The following MAP4K3 variants were observed in gnomAD, a reference collection of about 807,000 sequenced individuals.
MAP4K3 encodes MAPK/ERK kinase kinase kinase 3.
Under a neutral mutation model 143.5 loss-of-function variants are expected in MAP4K3, and 94 were observed. That is an observed-to-expected ratio of 0.65 (90% CI 0.55 to 0.78). The LOEUF (loss-of-function observed/expected upper bound fraction) is 0.78. Ranked by LOEUF, MAP4K3 falls within the 30% of genes least tolerant of loss-of-function variation. The pLI, the probability that MAP4K3 is intolerant of heterozygous loss-of-function variation, is 0.00. For synonymous variants in MAP4K3, 416 were observed against 347.2 expected (o/e 1.20, Z -2.20); for missense variants, 1,077 against 1,068.1 (o/e 1.01, Z -0.12).
chr2:39,308,408 A>G (rs1212718621), intron 14 of MAP4K3, among the ~76,000 whole-genome samples: 1 of 152,136 alleles, frequency 6.6e-6, no homozygotes, highest in Non-Finnish European at 1.5e-5. Context: ...ATTCCTCCAC[A>G]CTGGTACACT....
chr2:39,295,497 C>T (rs1389593151), intron 16 of MAP4K3, among the ~76,000 whole-genome samples: 1 of 151,964 alleles, frequency 6.6e-6, no homozygotes, highest in Non-Finnish European at 1.5e-5. Context: ...TTGAGAAGTG[C>T]TGCTTTAAAC....
rs920935592 is a variant in MAP4K3 at position 39,437,230 on chromosome 2, A to G, written c.-243T>C. Reference sequence around the variant, plus strand: ...CGCGCCGAACCTGGTCACACCCACAAGGAGAGGAGAACCCTCGCAGCCCCT... The same window carrying G: ...CGCGCCGAACCTGGTCACACCCACAGGGAGAGGAGAACCCTCGCAGCCCCT... On this transcript the variant is annotated 5_prime_UTR_variant, in exon 1 of 34. Transcript: ENST00000263881. The G allele has an allele frequency of 3.3e-6, 1 of 303,276 alleles. No individual in the cohort carries two copies. Among genetic ancestry groups the G allele is most frequent in the Non-Finnish European group, 6.0e-6 (1 of 166,664 alleles). The allele number at this position is 303,276 out of a possible 1,614,324, so 18.8% of individuals were successfully genotyped here. A position where few individuals can be genotyped will look rare whatever the true frequency, so the allele number is the denominator to read the frequency against.
chr2:39,299,932 T>A (rs1682440847), intron 15 of MAP4K3, 131 bp from the exon 16 acceptor site: 5 of 378,896 alleles, frequency 1.3e-5, no homozygotes, highest in Non-Finnish European at 2.4e-5. Flanking sequence ...TTGCTATACA[T>A]TCTTAAAAAG....
intron 6 of MAP4K3, among the ~76,000 whole-genome samples, chr2:39,335,470 A>G (rs566659987): frequency 6.6e-6 from 1 of 152,322 alleles, no homozygotes; most frequent in African/African-American, 2.4e-5. Context: ...ATAATGGAAC[A>G]TCAAACTACC....
intron 1 of MAP4K3, among the ~76,000 whole-genome samples, chr2:39,406,444 C>G (rs1323733600): frequency 6.6e-6 from 1 of 152,140 alleles, no homozygotes; most frequent in East Asian, 1.9e-4. Flanking sequence ...ATACTCCAAA[C>G]TCCCAAAGGT....
At position 39,342,130 on chromosome 2, in the gene MAP4K3, T is replaced by C. The variant is rs201859305; in HGVS notation, c.310+1258A>G. 6.1e-5 allele frequency among the ~76,000 whole-genome samples: 9 copies of C among 148,090 alleles called. No homozygotes were observed. The East Asian group carries it at 1.4e-3, about 24-fold the overall frequency. ...CTAGTATTATTATTATTATTATTAT[T>C]ATTATTATTATTATTATTATTATTT... On this transcript the variant is annotated intron_variant, in intron 4 of 33. Transcript: ENST00000263881.
At chr2:39,333,707 T>C in intron 6 of MAP4K3, 133 bp from the exon 7 acceptor site, 2 of 498,248 alleles carry the variant, frequency 4.0e-6, no homozygotes, top group Non-Finnish European at 7.1e-6. Context: ...TTAATTAAAA[T>C]GTCGTATCAT....
intron 3 of MAP4K3, among the ~76,000 whole-genome samples, chr2:39,346,414 T>A (rs1008647160): frequency 2.0e-5 from 3 of 152,202 alleles, no homozygotes; most frequent in Non-Finnish European, 4.4e-5. Flanking sequence ...ATTTGTTAAA[T>A]CTTATACTTA....
At chr2:39,292,318 TAG>T (rs984776076) in intron 18 of MAP4K3, among the ~76,000 whole-genome samples, 20 of 152,210 alleles carry the variant, frequency 1.3e-4, no homozygotes, top group African/African-American at 4.6e-4. Context: ...TGATTATATT[TAG>T]AGATGGGTTT....
intron 24 of MAP4K3, among the ~76,000 whole-genome samples, chr2:39,274,635 A>G (rs911833614): frequency 1.3e-5 from 2 of 152,216 alleles, no homozygotes; most frequent in Non-Finnish European, 2.9e-5. Context: ...AAATAAGAAT[A>G]TAACAGTTAA....
At chr2:39,314,989 C>T (rs940506356) in intron 13 of MAP4K3, among the ~76,000 whole-genome samples, 27 of 152,196 alleles carry the variant, frequency 1.8e-4, no homozygotes, top group African/African-American at 6.5e-4. Context: ...TCTACTGAAT[C>T]TGAAACTGCA....
At chr2:39,282,980 A>C (rs1359791924) in intron 21 of MAP4K3, among the ~76,000 whole-genome samples, 1 of 152,220 alleles carries the variant, frequency 6.6e-6, no homozygotes. Context: ...CATTTGTTTT[A>C]ACTGCAGCAT....
chr2:39,413,462 G>C (rs139835744), intron 1 of MAP4K3, among the ~76,000 whole-genome samples: 3 of 152,136 alleles, frequency 2.0e-5, no homozygotes, highest in African/African-American at 4.8e-5. Context: ...TCAGTGGTCA[G>C]ATACTGGTAT....
chr2:39,407,788 C>T (rs1392054281), intron 1 of MAP4K3, among the ~76,000 whole-genome samples: 1 of 152,130 alleles, frequency 6.6e-6, no homozygotes, highest in Non-Finnish European at 1.5e-5. Flanking sequence ...GTTGCCCAGG[C>T]TGGTCTCAAA....
At position 39,321,500 on chromosome 2, in the gene MAP4K3, A is replaced by G. The variant is rs185234723; in HGVS notation, c.918+4018T>C. 6.9e-3 allele frequency among the ~76,000 whole-genome samples: 1,050 copies of G among 152,322 alleles called. 16 individuals are homozygous for G. The highest frequency in any genetic ancestry group is 0.024 in the African/African-American group (995 of 41,578). On this transcript the variant is annotated intron_variant, in intron 12 of 33. Transcript: ENST00000263881. ...GCCTAGGAAAGCCAGGTATTGTCCA[A>G]GGTTTCTCCCCATGTGATAGTCTGA...
intron 14 of MAP4K3, among the ~76,000 whole-genome samples, chr2:39,309,115 T>A (rs192935246): frequency 1.6e-4 from 24 of 152,158 alleles, no homozygotes; most frequent in African/African-American, 3.6e-4. Flanking sequence ...CCCACGATTT[T>A]AAAAAAAATT....
chr2:39,306,991 C>T (rs1241670825), intron 15 of MAP4K3, among the ~76,000 whole-genome samples: 2 of 152,158 alleles, frequency 1.3e-5, no homozygotes, highest in East Asian at 3.8e-4. Flanking sequence ...TATATTCTGT[C>T]CAATAGGACA....
chr2:39,308,753 A>G (rs1038141321), intron 14 of MAP4K3, among the ~76,000 whole-genome samples: 2 of 152,060 alleles, frequency 1.3e-5, no homozygotes, highest in Admixed American at 1.3e-4. Context: ...GAGTATATAA[A>G]ACAACAACAA....
intron 28 of MAP4K3, 55 bp from the exon 29 acceptor site, chr2:39,260,832 C>G: frequency 8.1e-7 from 1 of 1,227,916 alleles, no homozygotes; most frequent in Non-Finnish European, 1.2e-6. Context: ...CCGAATAATT[C>G]TATGAGAATA....
Sources: allele counts gnomAD v4.1 joint callset (sites outside exome capture counted in the v4.1 genomes callset), GRCh38; gene constraint gnomAD v4.1.1; transcripts MANE v1.5; gene names NCBI Gene and HGNC (gene_info 2026-07-23, HGNC 2026-07-21).